DMC1: variants seen among roughly 807,000 people sequenced by gnomAD.
The protein encoded by DMC1 is meiotic recombination protein DMC1 homolog.
In DMC1, 27 loss-of-function variants were observed where a neutral mutation model predicts 50.1. That is an observed-to-expected ratio of 0.54 (90% CI 0.40 to 0.74). The LOEUF (loss-of-function observed/expected upper bound fraction) is 0.74, where lower values mean the gene tolerates loss of function less well. Ranked by LOEUF, DMC1 falls within the 30% of genes least tolerant of loss-of-function variation. The pLI, the probability that DMC1 is intolerant of heterozygous loss-of-function variation, is 0.00. For missense variants in DMC1, 295 were observed against 420.2 expected (o/e 0.70, Z 2.60); for synonymous variants, 148 against 136.1 (o/e 1.09, Z -0.61).
chr22:38,514,364 C>A (rs1422430131), downstream of DMC1, among the ~76,000 whole-genome samples: 2 of 150,772 alleles, frequency 1.3e-5, no homozygotes, highest in Non-Finnish European at 2.9e-5. Flanking sequence ...TCTGCCTCAG[C>A]CTCTGGAGTA....
chr22:38,557,864 C>G (rs1379770207), intron 5 of DMC1, among the ~76,000 whole-genome samples: 1 of 150,960 alleles, frequency 6.6e-6, no homozygotes, highest in Non-Finnish European at 1.5e-5. Context: ...GTGCCTACAA[C>G]TCACTATACT....
At chr22:38,554,019 C>T (rs2090442949) in intron 6 of DMC1, among the ~76,000 whole-genome samples, 1 of 150,144 alleles carries the variant, frequency 6.7e-6, no homozygotes, top group South Asian at 2.1e-4. Context: ...GTAATCCCAG[C>T]TACACAGGAA....
At position 38,553,067 on chromosome 22, in the gene DMC1, C is replaced by T. The variant is rs183991716; in HGVS notation, c.380-360G>A. On this transcript the variant is annotated intron_variant, in intron 6 of 13. Transcript: ENST00000216024. Reference sequence around the variant, plus strand: ...TTCACCATATTGGCCAGGCTGGTCTCAAACTCCTGAACTCAGGTGATCCGC... The same window carrying T: ...TTCACCATATTGGCCAGGCTGGTCTTAAACTCCTGAACTCAGGTGATCCGC... Among the ~76,000 whole-genome samples, 76 of 150,784 alleles carry T rather than the reference C, an allele frequency of 5.0e-4. 2 individuals are homozygous for T. In the South Asian group the frequency reaches 9.1e-3, roughly 18 times the overall value.
At position 38,544,464 on chromosome 22, in the gene DMC1, G is replaced by A. The variant is rs139402292; in HGVS notation, c.495-5052C>T. ...TCCTGTCTTTGCTTCAGGTTGTCCC[G>A]CCTTTCCAGACTGGACCAATGTTCT... On this transcript the variant is annotated intron_variant, in intron 8 of 13. Coordinates refer to ENST00000216024, the MANE Select transcript of DMC1 (RefSeq NM_007068.4). 3.3e-5 allele frequency among the ~76,000 whole-genome samples: 5 copies of A among 152,178 alleles called. No homozygotes were observed. In the East Asian group the frequency reaches 5.8e-4, roughly 18 times the overall value.
rs1213388420 is a variant in DMC1, at chr22:38,519,533, T to A, written c.*487A>T. 1.2e-5 allele frequency: 2 copies of A among 164,732 alleles called. No individual in the cohort carries two copies. Among genetic ancestry groups the A allele is most frequent in the Non-Finnish European group, 2.7e-5 (2 of 74,736 alleles). The allele number at this position is 164,732 out of a possible 1,614,324, so 10.2% of individuals were successfully genotyped here. A position where few individuals can be genotyped will look rare whatever the true frequency, so the allele number is the denominator to read the frequency against. ...ATAAACATTCCTCCCTTAAATCCTCTTGTGGAAAAACATCTAGCTATGTAA... is the reference window on the plus strand; with the variant it reads ...ATAAACATTCCTCCCTTAAATCCTCATGTGGAAAAACATCTAGCTATGTAA... On this transcript the variant is annotated 3_prime_UTR_variant, in exon 14 of 14. Transcript: ENST00000216024.
chr22:38,529,496 T>A (rs754665194), intron 12 of DMC1, among the ~76,000 whole-genome samples: 1 of 152,098 alleles, frequency 6.6e-6, no homozygotes, highest in Non-Finnish European at 1.5e-5. Context: ...AAAGAGGGGA[T>A]GAGAATATTT....
chr22:38,551,856 CT>C (rs71761663), intron 7 of DMC1, among the ~76,000 whole-genome samples: 20,638 of 93,260 alleles, frequency 0.22, 1,032 homozygotes, highest in Middle Eastern at 0.32. Context: ...GAACTCCTTT[CT>C]TTTTTTTTTT....
intron 5 of DMC1, among the ~76,000 whole-genome samples, chr22:38,560,113 C>T (rs892998279): frequency 2.6e-4 from 39 of 151,806 alleles, no homozygotes; most frequent in African/African-American, 9.4e-4. Flanking sequence ...AAAAATAAGG[C>T]CAGGAAAGGG....
rs781278817 is a variant in DMC1 at position 38,552,646 on chromosome 22, T to C, written c.421+20A>G. On this transcript the variant is annotated intron_variant, in intron 7 of 13. Coordinates refer to ENST00000216024, the MANE Select transcript of DMC1 (RefSeq NM_007068.4). ...GTAATAGCCATGATTATTATTGTTA[T>C]TGTTGTTATATATCCTTACCACAGA... The C allele has an allele frequency of 6.6e-7, 1 of 1,519,522 alleles. No individual in the cohort carries two copies. Among genetic ancestry groups the C allele is most frequent in the Admixed American group, 1.7e-5 (1 of 59,822 alleles). The allele number at this position is 1,519,522 out of a possible 1,614,324, so 94.1% of individuals were successfully genotyped here.
At chr22:38,541,789 G>A (rs5757130) in intron 8 of DMC1, among the ~76,000 whole-genome samples, 66,553 of 151,618 alleles carry the variant, frequency 0.44, 15,594 homozygotes, top group African/African-American at 0.62. Context: ...CAATGTGACC[G>A]CGGGTGTAAA....
chr22:38,511,975 ATCTT>A, the DMC1 span, among the ~76,000 whole-genome samples: 26 of 149,654 alleles, frequency 1.7e-4, no homozygotes, highest in African/African-American at 6.2e-4. Flanking sequence ...TCTGCCTTTT[ATCTT>A]TCTTTCTTTC....
intron 4 of DMC1, among the ~76,000 whole-genome samples, chr22:38,564,206 T>C (rs1205797721): frequency 1.3e-5 from 2 of 152,210 alleles, no homozygotes; most frequent in African/African-American, 4.8e-5. Context: ...CACAGTGGCA[T>C]ATTCCTGTAG....
intron 8 of DMC1, chr22:38,546,093 TAAA>T (rs2090341141): frequency 6.6e-6 from 1 of 152,228 alleles, no homozygotes; most frequent in African/African-American, 2.4e-5. Flanking sequence ...TTGTTCTTAG[TAAA>T]ATCCAAATTG....
chr22:38,527,064 C>G (rs766805095), intron 12 of DMC1, among the ~76,000 whole-genome samples: 1 of 152,180 alleles, frequency 6.6e-6, no homozygotes, highest in Non-Finnish European at 1.5e-5. Context: ...TGACAGCATA[C>G]CAGCCATTCC....
At chr22:38,526,404 T>G (rs1052726711) in intron 12 of DMC1, among the ~76,000 whole-genome samples, 3 of 151,912 alleles carry the variant, frequency 2.0e-5, no homozygotes, top group African/African-American at 7.3e-5. Context: ...GAGACGGGGT[T>G]TCACTATGTT....
chr22:38,527,147 T>C (rs1380346232), intron 12 of DMC1, among the ~76,000 whole-genome samples: 1 of 152,214 alleles, frequency 6.6e-6, no homozygotes, highest in Non-Finnish European at 1.5e-5. Flanking sequence ...AAATTCTGTC[T>C]GGCTTTTTAG....
At chr22:38,538,708 T>G (rs1174207137) in intron 9 of DMC1, 96 bp from the exon 10 acceptor site, 11 of 1,096,124 alleles carry the variant, frequency 1.0e-5, no homozygotes, top group African/African-American at 1.6e-5. Context: ...ATAAATTCCT[T>G]GAAGGATTTT....
chr22:38,551,718 CCTAACATT>C (rs1271891574), intron 7 of DMC1, among the ~76,000 whole-genome samples: 3 of 152,066 alleles, frequency 2.0e-5, no homozygotes, highest in Non-Finnish European at 4.4e-5. Flanking sequence ...TCAAAACAAT[CCTAACATT>C]TGGCACTGTC....
In DMC1 at chr22:38,537,645, G is replaced by C; in HGVS notation, c.783C>G (p.Asn261Lys). The C allele has an allele frequency of 6.2e-7, 1 of 1,613,308 alleles. No homozygotes were observed. The highest frequency in any genetic ancestry group is 8.5e-7 in the Non-Finnish European group (1 of 1,179,350). The change falls in exon 12 of 14, where the codon AAC becomes AAG. Residue 261 changes from asparagine to lysine, a missense_variant. By Grantham distance (94) the Asn-to-Lys change is moderately conservative. Coordinates refer to ENST00000216024, the MANE Select transcript of DMC1 (RefSeq NM_007068.4). ...SRLQKISEEY[N>K]VAVFVTNQMT... ...TTTGATTGGTCACAAAAACAGCCAC[G>C]TTATATTCTGCATCAAGAGATAAAA...
Sources: gnomAD v4.1 joint callset for allele counts (sites outside exome capture counted in the v4.1 genomes callset) on GRCh38, gnomAD v4.1.1 for gene constraint, MANE v1.5 for transcripts, NCBI Gene and HGNC (gene_info 2026-07-23, HGNC 2026-07-21) for gene names.